The following MAP2 variants were observed in gnomAD, a reference collection of about 807,000 sequenced individuals.
MAP2 encodes the protein microtubule-associated protein 2.
Under a neutral mutation model 137.6 loss-of-function variants are expected in MAP2, and 14 were observed. That is an observed-to-expected ratio of 0.10 (90% CI 0.07 to 0.16). The LOEUF (loss-of-function observed/expected upper bound fraction) is 0.16, where lower values mean the gene tolerates loss of function less well. MAP2 is among the 10% of genes least tolerant of loss of function. MAP2 has a pLI of 1.00. For missense variants in MAP2, 2,088 were observed against 2,191.5 expected, an observed-to-expected ratio of 0.95 and a Z score of 0.94; for synonymous variants, 786 against 782.3, an observed-to-expected ratio of 1.00 and a Z score of -0.08.
chr2:209,614,866 G>A (rs571640157), intron 3 of MAP2, among the ~76,000 whole-genome samples: 1 of 152,222 alleles, frequency 6.6e-6, no homozygotes, highest in South Asian at 2.1e-4. Flanking sequence ...AAATCAGCTG[G>A]AGATCACCCT....
chr2:209,551,652 C>A (rs2069190849), intron 2 of MAP2, among the ~76,000 whole-genome samples: 2 of 151,966 alleles, frequency 1.3e-5, no homozygotes, highest in African/African-American at 4.8e-5. Context: ...GATTAGCAAT[C>A]TGGTAGAAAA....
chr2:209,460,553 C>A (rs540961651), intron 1 of MAP2, among the ~76,000 whole-genome samples: 1 of 151,686 alleles, frequency 6.6e-6, no homozygotes, highest in East Asian at 1.9e-4. Context: ...CTTTCCTTTT[C>A]TTTCCTTCCT....
At chr2:209,498,404 A>G (rs2060001355) in intron 1 of MAP2, among the ~76,000 whole-genome samples, 1 of 152,192 alleles carries the variant, frequency 6.6e-6, no homozygotes, top group Admixed American at 6.5e-5. Context: ...TTCCAGGTGC[A>G]GGATACAAGC....
intron 3 of MAP2, among the ~76,000 whole-genome samples, chr2:209,582,986 C>T (rs887445165): frequency 6.6e-6 from 1 of 152,000 alleles, no homozygotes; most frequent in African/African-American, 2.4e-5. Context: ...ATATTAAACA[C>T]TAAATTTTAC....
At chr2:209,572,290 C>T (rs1330833290) in intron 2 of MAP2, among the ~76,000 whole-genome samples, 2 of 152,004 alleles carry the variant, frequency 1.3e-5, no homozygotes, top group African/African-American at 4.8e-5. Context: ...ATCACAGTGA[C>T]TATGTCAAAG....
chr2:209,458,742 A>T (rs918904228), intron 1 of MAP2, among the ~76,000 whole-genome samples: 7 of 152,182 alleles, frequency 4.6e-5, no homozygotes, highest in African/African-American at 1.7e-4. Flanking sequence ...CCTCCTGCCC[A>T]TCAGAAGTCC....
At chr2:209,691,549 AT>A (rs1265542053) in intron 7 of MAP2, among the ~76,000 whole-genome samples, 1 of 152,200 alleles carries the variant, frequency 6.6e-6, no homozygotes, top group African/African-American at 2.4e-5. Context: ...AGATGATTGA[AT>A]TTTATTATTT....
intron 2 of MAP2, among the ~76,000 whole-genome samples, chr2:209,511,786 T>G (rs12992067): frequency 0.058 from 8,796 of 152,084 alleles, 285 homozygotes; most frequent in South Asian, 0.092. Context: ...TGCCCAGGCT[T>G]GTCTCAAACT....
intron 1 of MAP2, among the ~76,000 whole-genome samples, chr2:209,473,868 A>G (rs1382389965): frequency 6.6e-6 from 1 of 152,186 alleles, no homozygotes; most frequent in African/African-American, 2.4e-5. Flanking sequence ...CTTGTATTTT[A>G]CAGCATATAT....
chr2:209,479,840 A>T (rs189823133), intron 1 of MAP2, among the ~76,000 whole-genome samples: 205 of 152,282 alleles, frequency 1.3e-3, no homozygotes, highest in Non-Finnish European at 2.0e-3. Flanking sequence ...GCCTTAGCAG[A>T]TATAATAGCC....
At chr2:209,628,501 AT>A (rs893360700) in intron 4 of MAP2, among the ~76,000 whole-genome samples, 2 of 152,052 alleles carry the variant, frequency 1.3e-5, no homozygotes, top group African/African-American at 4.8e-5. Flanking sequence ...ATCTCTACCT[AT>A]ATCATTCACA....
chr2:209,711,494 G>A (rs2153772349), intron 13 of MAP2, among the ~76,000 whole-genome samples: 1 of 152,164 alleles, frequency 6.6e-6, no homozygotes, highest in Middle Eastern at 3.4e-3. Context: ...TTAGAACAAT[G>A]ATAACATTCT....
chr2:209,558,323 G>C (rs1391276079), intron 2 of MAP2, among the ~76,000 whole-genome samples: 1 of 152,024 alleles, frequency 6.6e-6, no homozygotes, highest in African/African-American at 2.4e-5. Context: ...CAAGTAGTTG[G>C]GATTACAGGC....
intron 1 of MAP2, among the ~76,000 whole-genome samples, chr2:209,493,672 A>G (rs2059402252): frequency 6.6e-6 from 1 of 152,252 alleles, no homozygotes; most frequent in Non-Finnish European, 1.5e-5. Context: ...GCCAACAAAC[A>G]TATGAAGAAA....
At chr2:209,562,949 A>T (rs987526243) in intron 2 of MAP2, among the ~76,000 whole-genome samples, 2 of 152,216 alleles carry the variant, frequency 1.3e-5, no homozygotes, top group African/African-American at 4.8e-5. Flanking sequence ...AAGACTAAGA[A>T]ATACATTACC....
At chr2:209,619,491 G>C (rs1485539574) in intron 3 of MAP2, among the ~76,000 whole-genome samples, 1 of 152,032 alleles carries the variant, frequency 6.6e-6, no homozygotes, top group African/African-American at 2.4e-5. Flanking sequence ...GTCAAGTAGT[G>C]TTACATTTCT....
At chr2:209,684,389 G>C (rs532889651) in intron 7 of MAP2, among the ~76,000 whole-genome samples, 1 of 152,336 alleles carries the variant, frequency 6.6e-6, no homozygotes, top group African/African-American at 2.4e-5. Context: ...TCAGTCAAAA[G>C]CTGGCAGAAT....
chr2:209,617,800 C>G (rs1420908614), intron 3 of MAP2, among the ~76,000 whole-genome samples: 4 of 152,112 alleles, frequency 2.6e-5, no homozygotes, highest in African/African-American at 7.2e-5. Context: ...GGATATAATA[C>G]AGTCCACAAA....
intron 3 of MAP2, among the ~76,000 whole-genome samples, chr2:209,593,045 C>G (rs1484750231): frequency 6.6e-6 from 1 of 151,874 alleles, no homozygotes; most frequent in African/African-American, 2.4e-5. Context: ...AAAATCAATT[C>G]AAATTATGTA....
Sources: allele counts gnomAD v4.1 joint callset (sites outside exome capture counted in the v4.1 genomes callset), GRCh38; gene constraint gnomAD v4.1.1; transcripts MANE v1.5; gene names NCBI Gene and HGNC (gene_info 2026-07-23, HGNC 2026-07-21).